The following LRRC7 variants were observed in gnomAD, a reference collection of about 807,000 sequenced individuals.
The protein encoded by LRRC7 is leucine-rich repeat-containing protein 7.
In LRRC7, 23 loss-of-function variants were observed where a neutral mutation model predicts 175.7. The observed-to-expected ratio is 0.13, with a 90% CI of 0.09 to 0.19. The LOEUF is 0.19. Among genes scored for constraint, LRRC7 ranks in the 10% least tolerant of loss-of-function variants. The pLI is 1.00. For missense variants in LRRC7, 1,354 were observed against 1,904.7 expected (o/e 0.71, Z 5.38); for synonymous variants, 685 against 680.9 (o/e 1.01, Z -0.09).
chr1:69,942,674 T>C (rs1358039365), intron 8 of LRRC7, among the ~76,000 whole-genome samples: 1 of 152,052 alleles, frequency 6.6e-6, no homozygotes, highest in Non-Finnish European at 1.5e-5. Flanking sequence ...CTACCATCTC[T>C]GACCCCCTTG....
At chr1:70,042,004 G>A (rs1478454700) in intron 21 of LRRC7, among the ~76,000 whole-genome samples, 5 of 152,176 alleles carry the variant, frequency 3.3e-5, no homozygotes, top group Admixed American at 6.5e-5. Context: ...TATAACCTCT[G>A]TTTGTGTACA....
At chr1:69,958,817 G>A (rs1650758630) in intron 8 of LRRC7, among the ~76,000 whole-genome samples, 1 of 152,016 alleles carries the variant, frequency 6.6e-6, no homozygotes. Flanking sequence ...TTTGTCAGAG[G>A]AAGTATGATG....
intron 4 of LRRC7, among the ~76,000 whole-genome samples, chr1:69,811,572 A>G (rs1677871320): frequency 6.6e-6 from 1 of 152,198 alleles, no homozygotes; most frequent in Non-Finnish European, 1.5e-5. Flanking sequence ...CATATACACC[A>G]TGGAATACTA....
chr1:69,723,361 C>T (rs1666579773), intron 2 of LRRC7, among the ~76,000 whole-genome samples: 1 of 151,998 alleles, frequency 6.6e-6, no homozygotes, highest in Non-Finnish European at 1.5e-5. Context: ...AGCAGCACAC[C>T]TTCATTTGAG....
intron 26 of LRRC7, among the ~76,000 whole-genome samples, chr1:70,121,515 G>T (rs1293981091): frequency 6.6e-6 from 1 of 152,050 alleles, no homozygotes; most frequent in Non-Finnish European, 1.5e-5. Flanking sequence ...TATGTCACCA[G>T]TACATCTATC....
intron 1 of LRRC7, among the ~76,000 whole-genome samples, chr1:69,660,632 T>C (rs1028315251): frequency 1.3e-5 from 2 of 152,042 alleles, no homozygotes; most frequent in African/African-American, 4.8e-5. Context: ...AAGGACTTAA[T>C]GAAGGGATTC....
intron 22 of LRRC7, 94 bp from the exon 23 acceptor site, chr1:70,052,932 A>G: frequency 7.6e-7 from 1 of 1,312,740 alleles, no homozygotes; most frequent in Non-Finnish European, 1.0e-6. Flanking sequence ...ATTAAACAAA[A>G]TTAATTTTAC....
chr1:69,593,251 A>C (rs1646708934), intron 1 of LRRC7, among the ~76,000 whole-genome samples: 1 of 152,130 alleles, frequency 6.6e-6, no homozygotes, highest in Non-Finnish European at 1.5e-5. Context: ...GAAATTAAAA[A>C]GTCATAAGCA....
intron 1 of LRRC7, among the ~76,000 whole-genome samples, chr1:69,572,025 A>G (rs1570229484): frequency 6.6e-6 from 1 of 152,140 alleles, no homozygotes; most frequent in East Asian, 1.9e-4. Context: ...TATCATCCAC[A>G]TTCTTTTTTG....
At chr1:70,010,013 A>G (rs1171152624) in intron 11 of LRRC7, among the ~76,000 whole-genome samples, 1 of 151,982 alleles carries the variant, frequency 6.6e-6, no homozygotes, top group Admixed American at 6.6e-5. Flanking sequence ...TCAGTCACTG[A>G]TTTTTCCCCT....
At position 70,134,835 on chromosome 1, in the gene LRRC7, T is replaced by C. The variant is rs1016692454; in HGVS notation, c.*12948T>C. On this transcript the variant is annotated 3_prime_UTR_variant, in exon 27 of 27. Coordinates refer to ENST00000651989, the MANE Select transcript of LRRC7 (RefSeq NM_001370785.2). ...AGAAGTTAAATATCTCCTTAACAAA[T>C]TTAAATTGTACACAACAGTGCCACC... Among the ~76,000 whole-genome samples, 7 of 152,224 alleles carry C rather than the reference T, an allele frequency of 4.6e-5. No homozygotes were observed. Among genetic ancestry groups the C allele is most frequent in the Non-Finnish European group, 1.0e-4 (7 of 68,034 alleles).
intron 2 of LRRC7, among the ~76,000 whole-genome samples, chr1:69,719,198 A>C (rs532459895): frequency 6.6e-6 from 1 of 151,878 alleles, no homozygotes; most frequent in East Asian, 1.9e-4. Flanking sequence ...TCCATCTAAT[A>C]ATCGCAAAAG....
intron 23 of LRRC7, among the ~76,000 whole-genome samples, chr1:70,061,219 G>A (rs1661553373): frequency 6.6e-6 from 1 of 152,078 alleles, no homozygotes. Context: ...GTTTCTGGTA[G>A]ACTAGGCAGT....
At chr1:69,934,308 A>G (rs1647719099) in intron 8 of LRRC7, among the ~76,000 whole-genome samples, 2 of 152,192 alleles carry the variant, frequency 1.3e-5, no homozygotes, top group African/African-American at 2.4e-5. Flanking sequence ...CCTAATGAGA[A>G]CAGAAGTTGG....
At chr1:70,031,831 G>T (rs932843800) in intron 18 of LRRC7, among the ~76,000 whole-genome samples, 12 of 146,830 alleles carry the variant, frequency 8.2e-5, no homozygotes, top group African/African-American at 5.1e-5. Context: ...ACGGAGTCTC[G>T]CTCTGTTGCC....
chr1:69,923,165 G>A (rs1412704125), intron 7 of LRRC7, among the ~76,000 whole-genome samples: 8 of 152,140 alleles, frequency 5.3e-5, no homozygotes, highest in Non-Finnish European at 1.0e-4. Flanking sequence ...TTTTATGGCT[G>A]CATAGTATTC....
intron 4 of LRRC7, among the ~76,000 whole-genome samples, chr1:69,794,608 G>A (rs1388354281): frequency 6.6e-6 from 1 of 152,132 alleles, no homozygotes; most frequent in Non-Finnish European, 1.5e-5. Context: ...CTGAGAAATA[G>A]TATATGGACA....
At chr1:69,694,922 C>T (rs1176737274) in intron 2 of LRRC7, among the ~76,000 whole-genome samples, 1 of 152,224 alleles carries the variant, frequency 6.6e-6, no homozygotes, top group East Asian at 1.9e-4. Context: ...TACTCAGCCT[C>T]GGGTATTCCT....
chr1:69,592,234 G>A (rs1010392841), intron 1 of LRRC7, among the ~76,000 whole-genome samples: 9 of 151,800 alleles, frequency 5.9e-5, no homozygotes, highest in African/African-American at 2.2e-4. Context: ...TTGTAAAAAG[G>A]TGCAGACATT....
Sources: allele counts gnomAD v4.1 joint callset (sites outside exome capture counted in the v4.1 genomes callset), GRCh38; gene constraint gnomAD v4.1.1; transcripts MANE v1.5; gene names NCBI Gene and HGNC (gene_info 2026-07-23, HGNC 2026-07-21).